The following SLC35F1 variants were observed in gnomAD, a reference collection of about 807,000 sequenced individuals.
SLC35F1 encodes chromosome 6 open reading frame 169.
A neutral mutation model predicts 48.7 loss-of-function variants in SLC35F1; 14 were observed. The ratio of observed to expected loss-of-function variants is 0.29; its 90% CI spans 0.19 to 0.45. The LOEUF (loss-of-function observed/expected upper bound fraction) is 0.45. Ranked by LOEUF, SLC35F1 falls within the 20% of genes least tolerant of loss-of-function variation. SLC35F1 has a pLI of 1.00. For missense variants in SLC35F1, 404 were observed against 500.0 expected (o/e 0.81, Z 1.83); for synonymous variants, 190 against 202.2 (o/e 0.94, Z 0.51).
intron 1 of SLC35F1, among the ~76,000 whole-genome samples, chr6:118,098,836 T>C (rs11153720): frequency 0.35 from 52,893 of 152,028 alleles, 9,696 homozygotes; most frequent in Middle Eastern, 0.47. Context: ...TTATATATAT[T>C]TTATTTTATT....
Position 118,164,043 on chromosome 6 carries a change from G to T in SLC35F1, c.349+9423G>T, listed in dbSNP as rs978880301. Among the ~76,000 whole-genome samples the T allele has an allele frequency of 5.8e-4, 88 of 152,150 alleles. 1 individual carries two copies. Among genetic ancestry groups the T allele is most frequent in the Admixed American group, 5.8e-3 (88 of 15,262 alleles). On this transcript the variant is annotated intron_variant, in intron 2 of 7. Coordinates refer to ENST00000360388, the MANE Select transcript of SLC35F1 (RefSeq NM_001029858.4). ...AATTATCTCTGGATCATAATTTCCT[G>T]CCTATGCATTTTTTGAATGTCTAGT...
intron 1 of SLC35F1, among the ~76,000 whole-genome samples, chr6:117,983,314 C>T (rs1406100366): frequency 1.3e-5 from 2 of 152,104 alleles, no homozygotes; most frequent in African/African-American, 2.4e-5. Flanking sequence ...TGGTGGCTCC[C>T]GCCTATAATC....
chr6:118,170,157 A>G (rs1470225152), intron 2 of SLC35F1, among the ~76,000 whole-genome samples: 1 of 152,250 alleles, frequency 6.6e-6, no homozygotes, highest in East Asian at 1.9e-4. Flanking sequence ...CATTTTTGCT[A>G]AACTCAAAGA....
At chr6:117,916,461 G>A (rs969252388) in intron 1 of SLC35F1, among the ~76,000 whole-genome samples, 1 of 151,986 alleles carries the variant, frequency 6.6e-6, no homozygotes, top group African/African-American at 2.4e-5. Flanking sequence ...TGGGGGGAGC[G>A]GTTCCTCATT....
intron 1 of SLC35F1, among the ~76,000 whole-genome samples, chr6:117,977,626 A>T (rs1776722294): frequency 6.6e-6 from 1 of 152,060 alleles, no homozygotes; most frequent in African/African-American, 2.4e-5. Flanking sequence ...TTCTAAAATG[A>T]GCTCTTAATA....
chr6:118,111,292 C>G (rs541583868), intron 1 of SLC35F1, among the ~76,000 whole-genome samples: 1 of 152,232 alleles, frequency 6.6e-6, no homozygotes, highest in East Asian at 1.9e-4. Flanking sequence ...CCCTGTATAT[C>G]ATATTCACAC....
chr6:118,087,672 A>G (rs946146649), intron 1 of SLC35F1, among the ~76,000 whole-genome samples: 6 of 152,152 alleles, frequency 3.9e-5, no homozygotes, highest in African/African-American at 1.4e-4. Flanking sequence ...CATGCCTTCC[A>G]TGTCTTTGCC....
chr6:118,131,501 A>G (rs535584848), intron 1 of SLC35F1, among the ~76,000 whole-genome samples: 1 of 152,106 alleles, frequency 6.6e-6, no homozygotes, highest in Non-Finnish European at 1.5e-5. Flanking sequence ...ATTGTGATGC[A>G]AGTCTGGCTT....
intron 2 of SLC35F1, among the ~76,000 whole-genome samples, chr6:118,173,395 AC>A (rs60373372): frequency 0.078 from 10,084 of 129,886 alleles, 1,288 homozygotes; most frequent in African/African-American, 0.33. Flanking sequence ...TAAAAAAAAA[AC>A]AAAAAACAAA....
chr6:118,212,289 T>C (rs1775009747), intron 2 of SLC35F1, among the ~76,000 whole-genome samples: 1 of 152,204 alleles, frequency 6.6e-6, no homozygotes. Context: ...TCCTGAATAC[T>C]GACTTTTCTC....
At chr6:117,979,781 G>T (rs557274645) in intron 1 of SLC35F1, among the ~76,000 whole-genome samples, 1 of 152,188 alleles carries the variant, frequency 6.6e-6, no homozygotes, top group Non-Finnish European at 1.5e-5. Context: ...TGTGCTGCGC[G>T]ATCATCAATG....
chr6:118,046,852 G>T (rs574182576), intron 1 of SLC35F1, among the ~76,000 whole-genome samples: 2 of 152,030 alleles, frequency 1.3e-5, no homozygotes, highest in African/African-American at 4.8e-5. Flanking sequence ...AGTAATTTAC[G>T]TAGTGAAAAT....
intron 2 of SLC35F1, among the ~76,000 whole-genome samples, chr6:118,211,876 A>C (rs963510359): frequency 2.0e-5 from 3 of 152,210 alleles, no homozygotes; most frequent in African/African-American, 7.2e-5. Context: ...ATTTTCTCAG[A>C]ATAAATTTAA....
intron 1 of SLC35F1, among the ~76,000 whole-genome samples, chr6:118,039,057 T>A (rs972174436): frequency 2.6e-5 from 4 of 152,220 alleles, no homozygotes; most frequent in East Asian, 1.9e-4. Context: ...TGTAATAGAT[T>A]TTTTAAGATT....
intron 1 of SLC35F1, among the ~76,000 whole-genome samples, chr6:117,923,949 T>G (rs1775982039): frequency 1.3e-5 from 2 of 150,132 alleles, no homozygotes; most frequent in Non-Finnish European, 3.0e-5. Context: ...GATTGACACT[T>G]TATATATACA....
intron 1 of SLC35F1, among the ~76,000 whole-genome samples, chr6:117,926,583 G>A (rs766481114): frequency 7.2e-5 from 11 of 152,044 alleles, no homozygotes; most frequent in Non-Finnish European, 1.3e-4. Flanking sequence ...AGAGTTTTAG[G>A]CAGAGGAAAC....
At chr6:118,240,891 G>A (rs1311615312) in intron 3 of SLC35F1, among the ~76,000 whole-genome samples, 2 of 152,206 alleles carry the variant, frequency 1.3e-5, no homozygotes, top group African/African-American at 4.8e-5. Context: ...GAGACAAAGA[G>A]GCAGGGATCA....
intron 1 of SLC35F1, among the ~76,000 whole-genome samples, chr6:118,039,807 T>TTTTTTTTTTTTTTTTTTTTTTA (rs1772186883): frequency 1.4e-5 from 2 of 146,130 alleles, no homozygotes; most frequent in East Asian, 2.0e-4. Context: ...TTGTTTTTTT[T>TTTTTTTTTTTTTTTTTTTTTTA]GTTTTTTTTT....
chr6:118,053,016 G>T (rs1411220487), intron 1 of SLC35F1, among the ~76,000 whole-genome samples: 1 of 151,822 alleles, frequency 6.6e-6, no homozygotes, highest in East Asian at 1.9e-4. Flanking sequence ...ACTTTGATGA[G>T]GTGTTCCAGG....
Sources: gnomAD v4.1 joint callset for allele counts (sites outside exome capture counted in the v4.1 genomes callset) on GRCh38, gnomAD v4.1.1 for gene constraint, MANE v1.5 for transcripts, NCBI Gene and HGNC (gene_info 2026-07-23, HGNC 2026-07-21) for gene names.